The following MAPT variants were observed in gnomAD, a reference collection of about 807,000 sequenced individuals.
The protein encoded by MAPT is microtubule-associated protein tau.
Under a neutral mutation model 67.9 loss-of-function variants are expected in MAPT, and 34 were observed. That is an observed-to-expected ratio of 0.50 (90% CI 0.38 to 0.67). MAPT has a LOEUF of 0.67. Ranked by LOEUF, MAPT falls within the 30% of genes least tolerant of loss-of-function variation. MAPT has a pLI of 0.00. For missense variants in MAPT, 881 were observed against 1,115.2 expected (o/e 0.79, Z 2.99); for synonymous variants, 456 against 464.5 (o/e 0.98, Z 0.23).
At chr17:45,946,634 A>G (rs1161021163) in intron 1 of MAPT, among the ~76,000 whole-genome samples, 1 of 136,910 alleles carries the variant, frequency 7.3e-6, no homozygotes, top group Non-Finnish European at 1.6e-5. Flanking sequence ...ATATATATAT[A>G]TATATGTCAA....
chr17:45,992,951 GC>G (rs2074187502), intron 8 of MAPT, among the ~76,000 whole-genome samples: 1 of 150,984 alleles, frequency 6.6e-6, no homozygotes, highest in Admixed American at 6.6e-5. Flanking sequence ...CTGCCTGCCT[GC>G]CCGAGCACTT....
At chr17:45,941,466 C>G (rs1322091433) in intron 1 of MAPT, among the ~76,000 whole-genome samples, 1 of 152,048 alleles carries the variant, frequency 6.6e-6, no homozygotes, top group Non-Finnish European at 1.5e-5. Context: ...CCCTCCTTCC[C>G]CCTGCCCCTG....
chr17:45,991,530 A>G lies in MAPT; in HGVS notation c.1676A>G (p.Asn559Ser), dbSNP rs150420625. The change falls in exon 8 of 13, where the codon AAC becomes AGC. Residue 559 changes from asparagine to serine, a missense_variant. Physicochemically the swap from Asn to Ser is conservative, Grantham distance 46. Transcript: ENST00000262410. ...AAPPGQKGQA[N>S]ATRIPAKTPP... ...CCTCCAGGCCAGAAGGGCCAGGCCAACGCCACCAGGATTCCAGCAAAAACC... is the reference window on the plus strand; with the variant it reads ...CCTCCAGGCCAGAAGGGCCAGGCCAGCGCCACCAGGATTCCAGCAAAAACC... 4.4e-5 allele frequency: 71 copies of G among 1,614,056 alleles called. No homozygotes were observed. The highest frequency in any genetic ancestry group is 1.5e-4 in the African/African-American group (11 of 74,924).
rs564954259 is a variant in MAPT, at chr17:46,024,235, GAAT to G, written c.*68_*70del. 5,797 of 1,442,186 alleles carry G rather than the reference GAAT, an allele frequency of 4.0e-3. 109 individuals carry two copies. Among genetic ancestry groups the G allele is most frequent in the Non-Finnish European group, 2.1e-3 (2,167 of 1,031,842 alleles). 89.3% of individuals were successfully genotyped at this position (1,442,186 alleles called of 1,614,324 possible). On this transcript the variant is annotated 3_prime_UTR_variant, in exon 13 of 13. Coordinates refer to ENST00000262410, the MANE Select transcript of MAPT (RefSeq NM_001377265.1). ...GAATGAGAGAGTGTGGAAAAAAAAA[GAAT>G]AATGACCCGGCCCCCGCCCTCTGCC...
At chr17:45,987,180 A>C in intron 6 of MAPT, 85 bp downstream of exon 6, 1 of 1,276,670 alleles carries the variant, frequency 7.8e-7, no homozygotes, top group Non-Finnish European at 1.1e-6. Flanking sequence ...CTCATATATA[A>C]TGTGGGGAGT....
At position 45,922,946 on chromosome 17, in the gene MAPT, G is replaced by A. The variant is rs142981019; in HGVS notation, c.-18+28260G>A. 1.4e-3 allele frequency among the ~76,000 whole-genome samples: 208 copies of A among 152,324 alleles called. 2 individuals carry two copies. Among genetic ancestry groups the A allele is most frequent in the African/African-American group, 4.0e-3 (168 of 41,570 alleles). ...AGACCGAGCAACACCAATGTCTTCC[G>A]GGAGCCCTGTGGCGAGTGACAGAGC... is the stretch of plus-strand genomic sequence containing the variant. On this transcript the variant is annotated intron_variant, in intron 1 of 12. Coordinates refer to ENST00000262410, the MANE Select transcript of MAPT (RefSeq NM_001377265.1).
chr17:45,920,528 C>T (rs572075281), intron 1 of MAPT, among the ~76,000 whole-genome samples: 5 of 152,256 alleles, frequency 3.3e-5, no homozygotes, highest in Admixed American at 1.3e-4. Context: ...CTCAAGGGGT[C>T]TCCTCTGCTG....
chr17:45,989,623 C>T (rs373059825), intron 6 of MAPT, among the ~76,000 whole-genome samples: 203 of 152,268 alleles, frequency 1.3e-3, no homozygotes, highest in African/African-American at 4.8e-3. Context: ...TGCAGTCCAG[C>T]CTGGGCGACA....
intron 1 of MAPT, among the ~76,000 whole-genome samples, chr17:45,930,482 A>C (rs1019948629): frequency 8.5e-5 from 13 of 152,194 alleles, no homozygotes; most frequent in Non-Finnish European, 4.4e-5. Flanking sequence ...GAGAACAAAC[A>C]GACATGATTT....
At chr17:45,964,242 T>C (rs1281331528) in intron 2 of MAPT, among the ~76,000 whole-genome samples, 1 of 152,062 alleles carries the variant, frequency 6.6e-6, no homozygotes, top group African/African-American at 2.4e-5. Context: ...AGTTCTAGGG[T>C]ACATGTGCAC....
chr17:45,999,744 T>A, intron 9 of MAPT: 2 of 1,256,808 alleles, frequency 1.6e-6, no homozygotes, highest in Non-Finnish European at 2.2e-6. Context: ...ACTAAAGGGT[T>A]AAAGGAGAAA....
intron 5 of MAPT, chr17:45,985,705 C>G (rs755029972): frequency 1.0e-6 from 1 of 985,356 alleles, no homozygotes; most frequent in Non-Finnish European, 1.2e-6. Context: ...TTTGTTGTGC[C>G]GTGGATGGTG....
chr17:45,984,705 T>C (rs913215256), intron 5 of MAPT, among the ~76,000 whole-genome samples: 1 of 152,268 alleles, frequency 6.6e-6, no homozygotes, highest in South Asian at 2.1e-4. Flanking sequence ...CATGCTGGCA[T>C]TGGAGGGGGT....
chr17:45,961,082 A>G (rs986363672), intron 1 of MAPT, among the ~76,000 whole-genome samples: 6 of 152,138 alleles, frequency 3.9e-5, no homozygotes, highest in South Asian at 4.1e-4. Context: ...TGAATGGGGC[A>G]ACCCGAATTG....
At chr17:45,941,680 C>CCCCTTCCCCCCT (rs2067928765) in intron 1 of MAPT, among the ~76,000 whole-genome samples, 2 of 47,278 alleles carry the variant, frequency 4.2e-5, no homozygotes, top group Non-Finnish European at 7.5e-5. Flanking sequence ...CCCCCCTTCC[C>CCCCTTCCCCCCT]TCCTTCCTTC....
chr17:45,934,552 GC>G (rs1297632615), intron 1 of MAPT, among the ~76,000 whole-genome samples: 2 of 152,132 alleles, frequency 1.3e-5, no homozygotes, highest in Non-Finnish European at 2.9e-5. Flanking sequence ...TGTCCTGCGG[GC>G]TCCTCTGTCA....
At chr17:45,994,561 G>T (rs764392149) in intron 8 of MAPT, among the ~76,000 whole-genome samples, 30 of 152,206 alleles carry the variant, frequency 2.0e-4, no homozygotes, top group Non-Finnish European at 4.1e-4. Context: ...GGTGGCTCAC[G>T]TCTATAATCC....
At position 45,897,888 on chromosome 17, in the gene MAPT, T is replaced by C. The variant is rs2063366798; in HGVS notation, c.-18+3202T>C. ...ACCCATCCTACAGGAGACAGGGAAATGTCTTTCCTACCGCGGTTGATTCTG... is the reference window on the plus strand; with the variant it reads ...ACCCATCCTACAGGAGACAGGGAAACGTCTTTCCTACCGCGGTTGATTCTG... On this transcript the variant is annotated intron_variant, in intron 1 of 12. Transcript: ENST00000262410. This position sits in a 1 kb window ranked among gnomAD's most constrained non-coding sequence, Gnocchi z 5.0. 1 of 152,192 alleles carries C rather than the reference T, an allele frequency of 6.6e-6. No homozygotes were observed. The highest frequency in any genetic ancestry group is 2.4e-5 in the African/African-American group (1 of 41,408). The allele number at this position is 152,192 out of a possible 1,614,324, so 9.4% of individuals were successfully genotyped here.
At chr17:45,991,667 ACT>A (rs777676174) in intron 8 of MAPT, 81 bp downstream of exon 8, 6 of 1,599,496 alleles carry the variant, frequency 3.8e-6, no homozygotes, top group Non-Finnish European at 5.1e-6. Flanking sequence ...GCCTTAGGCC[ACT>A]GAGAATGAAT....
Sources: gnomAD v4.1 joint callset for allele counts (sites outside exome capture counted in the v4.1 genomes callset) on GRCh38, gnomAD v4.1.1 for gene constraint, Gnocchi (gnomAD v3.1) non-coding constraint, MANE v1.5 for transcripts, NCBI Gene and HGNC (gene_info 2026-07-23, HGNC 2026-07-21) for gene names.